Variants in SLC16A10 observed in about 807,000 individuals in gnomAD.
SLC16A10 encodes solute carrier family 16 member 10.
SLC16A10 carries 27 observed loss-of-function variants against 40.0 expected under a neutral mutation model. That is an observed-to-expected ratio of 0.67 (90% CI 0.50 to 0.93). The LOEUF is 0.93. Ranked by LOEUF, SLC16A10 falls within the 40% of genes least tolerant of loss-of-function variation. SLC16A10 has a pLI of 0.00. For missense variants in SLC16A10, 529 were observed against 658.2 expected (o/e 0.80, Z 2.15); for synonymous variants, 213 against 249.8 (o/e 0.85, Z 1.39).
intron 3 of SLC16A10, among the ~76,000 whole-genome samples, chr6:111,186,866 T>G (rs1772906842): frequency 6.6e-6 from 1 of 152,138 alleles, no homozygotes; most frequent in Admixed American, 6.5e-5. Flanking sequence ...TTATATTCCC[T>G]CATAACATAT....
At chr6:111,220,254 G>C (rs1472105104) in intron 5 of SLC16A10, among the ~76,000 whole-genome samples, 1 of 152,184 alleles carries the variant, frequency 6.6e-6, no homozygotes, top group Non-Finnish European at 1.5e-5. Flanking sequence ...AAATATTTTG[G>C]AACTAAATAG....
chr6:111,131,398 GAGA>G (rs1439432272), intron 1 of SLC16A10, among the ~76,000 whole-genome samples: 1 of 152,216 alleles, frequency 6.6e-6, no homozygotes, highest in Admixed American at 6.5e-5. Context: ...CCCCAGGTCA[GAGA>G]AGAAGAGGCT....
At chr6:111,172,580 T>C in intron 1 of SLC16A10, 115 bp from the exon 2 acceptor site, 1 of 1,284,724 alleles carries the variant, frequency 7.8e-7, no homozygotes, top group South Asian at 1.8e-5. Context: ...GCTTAGGCAC[T>C]ATACTCAAAA....
At chr6:111,183,116 A>C (rs1293074294) in intron 3 of SLC16A10, among the ~76,000 whole-genome samples, 1 of 152,162 alleles carries the variant, frequency 6.6e-6, no homozygotes. Flanking sequence ...ATATCCTTAC[A>C]GTGACCTACA....
chr6:111,122,447 A>G (rs1480289896), intron 1 of SLC16A10, among the ~76,000 whole-genome samples: 2 of 152,190 alleles, frequency 1.3e-5, no homozygotes. Context: ...TTAATGACCC[A>G]CTAGTGCCCT....
chr6:111,191,062 A>G (rs142757498), intron 3 of SLC16A10, among the ~76,000 whole-genome samples: 5,397 of 152,198 alleles, frequency 0.035, 142 homozygotes, highest in Non-Finnish European at 0.057. Flanking sequence ...ATACATGTGC[A>G]GAACGTGCAG....
At position 111,229,635 on chromosome 6, in the gene SLC16A10, G is replaced by A. The variant is rs751340748; in HGVS notation, c.*7400G>A. On this transcript the variant is annotated 3_prime_UTR_variant, in exon 6 of 6. Coordinates refer to ENST00000368851, the MANE Select transcript of SLC16A10 (RefSeq NM_018593.5). Reference sequence around the variant, plus strand: ...ACATGGATAATGAGTTATTTGCACAGTTATATTTTTATAATTATTTGAAAT... The same window carrying A: ...ACATGGATAATGAGTTATTTGCACAATTATATTTTTATAATTATTTGAAAT... The A allele has an allele frequency of 6.6e-6, 1 of 152,134 alleles. No individual in the cohort carries two copies. Among genetic ancestry groups the A allele is most frequent in the Non-Finnish European group, 1.5e-5 (1 of 68,026 alleles). The allele number at this position is 152,134 out of a possible 1,614,324, so 9.4% of individuals were successfully genotyped here.
intron 1 of SLC16A10, among the ~76,000 whole-genome samples, chr6:111,163,605 A>G (rs992539617): frequency 1.3e-5 from 2 of 152,212 alleles, no homozygotes; most frequent in Non-Finnish European, 2.9e-5. Flanking sequence ...ATAACTAAAC[A>G]TGTCAGTTAA....
intron 1 of SLC16A10, among the ~76,000 whole-genome samples, chr6:111,111,491 C>T (rs763679194): frequency 4.7e-4 from 72 of 151,972 alleles, no homozygotes; most frequent in Admixed American, 8.5e-4. Context: ...GAGGGCAAGG[C>T]GGGAGGATTG....
chr6:111,117,059 G>A (rs1771499118), intron 1 of SLC16A10, among the ~76,000 whole-genome samples: 1 of 151,922 alleles, frequency 6.6e-6, no homozygotes, highest in Admixed American at 6.6e-5. Context: ...TAAAAGAAGT[G>A]GGAAGGTCAG....
Position 111,172,714 on chromosome 6 carries a change from C to T in SLC16A10, c.363C>T (p.Ser121=), listed in dbSNP as rs200765141. The T allele has an allele frequency of 3.3e-5, 53 of 1,614,072 alleles. No homozygotes were observed. The East Asian group carries it at 1.0e-3, about 32-fold the overall frequency. Residue 121 remains serine, a synonymous_variant, in exon 2 of 6, where the codon TCC becomes TCT. Coordinates refer to ENST00000368851, the MANE Select transcript of SLC16A10 (RefSeq NM_018593.5). ...VFKTAWVGSL[S]MGMIFFCCPI... ...TTACAGCATGGGTAGGTTCTCTCTC[C>T]ATGGGGATGATTTTCTTTTGCTGCC...
intron 1 of SLC16A10, among the ~76,000 whole-genome samples, chr6:111,162,492 C>T (rs1772388176): frequency 6.6e-6 from 1 of 152,190 alleles, no homozygotes; most frequent in Non-Finnish European, 1.5e-5. Context: ...TCCCAAGGGG[C>T]TTTTATTGGT....
intron 1 of SLC16A10, among the ~76,000 whole-genome samples, chr6:111,122,602 C>T (rs986778867): frequency 2.0e-5 from 3 of 152,152 alleles, no homozygotes; most frequent in African/African-American, 7.2e-5. Flanking sequence ...GCTCTTGTTA[C>T]TTCTTGTTCT....
intron 1 of SLC16A10, among the ~76,000 whole-genome samples, chr6:111,104,498 A>C (rs1000054502): frequency 6.6e-6 from 1 of 152,180 alleles, no homozygotes; most frequent in East Asian, 1.9e-4. Flanking sequence ...CCTACAATAC[A>C]TTTTGTATTG....
intron 3 of SLC16A10, among the ~76,000 whole-genome samples, chr6:111,203,460 G>A (rs1324087828): frequency 2.6e-5 from 4 of 151,724 alleles, no homozygotes; most frequent in South Asian, 2.1e-4. Flanking sequence ...TAGGCCAGGC[G>A]TGGTGGCTCA....
At chr6:111,160,652 A>G (rs1332530771) in intron 1 of SLC16A10, among the ~76,000 whole-genome samples, 1 of 152,248 alleles carries the variant, frequency 6.6e-6, no homozygotes, top group East Asian at 1.9e-4. Context: ...TGCATCTAAA[A>G]AGAAGGAGGA....
At chr6:111,175,412 C>CAAGTGTATTGTACACTGA (rs1772661385) in intron 2 of SLC16A10, among the ~76,000 whole-genome samples, 1 of 152,172 alleles carries the variant, frequency 6.6e-6, no homozygotes, top group Non-Finnish European at 1.5e-5. Flanking sequence ...AGTGATACCA[C>CAAGTGTATTGTACACTGA]TGTACAGGAA....
intron 4 of SLC16A10, 136 bp downstream of exon 4, chr6:111,206,871 C>T: frequency 8.9e-7 from 1 of 1,127,784 alleles, no homozygotes; most frequent in African/African-American, 1.6e-5. Context: ...TCTTATTGCC[C>T]AGGCTGGAGT....
chr6:111,116,053 A>G (rs1041791045), intron 1 of SLC16A10, among the ~76,000 whole-genome samples: 5 of 152,188 alleles, frequency 3.3e-5, no homozygotes, highest in Non-Finnish European at 7.3e-5. Flanking sequence ...AGAGTAAAAT[A>G]ATTTGGGCAA....
Sources: gnomAD v4.1 joint callset for allele counts (sites outside exome capture counted in the v4.1 genomes callset) on GRCh38, gnomAD v4.1.1 for gene constraint, MANE v1.5 for transcripts, NCBI Gene and HGNC (gene_info 2026-07-23, HGNC 2026-07-21) for gene names.